C1orf21: variants seen among roughly 807,000 people sequenced by gnomAD.
The protein encoded by C1orf21 is chromosome 1 open reading frame 21.
In C1orf21, 3 loss-of-function variants were observed where a neutral mutation model predicts 18.7. The observed-to-expected ratio is 0.16, with a 90% CI of 0.07 to 0.42. The LOEUF (loss-of-function observed/expected upper bound fraction) is 0.42. C1orf21 is among the 10% of genes least tolerant of loss of function. C1orf21 has a pLI of 0.99. For synonymous variants in C1orf21, 41 were observed against 46.4 expected (o/e 0.88, Z 0.47); for missense variants, 104 against 143.6 (o/e 0.72, Z 1.41).
chr1:184,474,078 TC>T lies in C1orf21; in HGVS notation c.-124-3307del, dbSNP rs529030854. Among the ~76,000 whole-genome samples, 6 of 152,338 alleles carry T rather than the reference TC, an allele frequency of 3.9e-5. No individual in the cohort carries two copies. The East Asian group carries it at 1.2e-3, about 29-fold the overall frequency. On this transcript the variant is annotated intron_variant, in intron 1 of 5. Coordinates refer to ENST00000235307, the MANE Select transcript of C1orf21 (RefSeq NM_030806.4). ...TATGATTAACTTTGTGAATTAGAGA[TC>T]TTTTGCCCCTCAAATGACTTCATAA...
chr1:184,393,509 A>C (rs1204536074), intron 1 of C1orf21, among the ~76,000 whole-genome samples: 1 of 152,092 alleles, frequency 6.6e-6, no homozygotes, highest in Non-Finnish European at 1.5e-5. Context: ...GAATTAGAGC[A>C]CCCCCAAGTT....
chr1:184,511,988 C>T lies in C1orf21; in HGVS notation c.189+4306C>T, dbSNP rs1211371365. ...ATTTAAAATGAGACTTGGGTAGGCACACAGAGCCAGACTGTATCACTTGAG... is the reference window on the plus strand; with the variant it reads ...ATTTAAAATGAGACTTGGGTAGGCATACAGAGCCAGACTGTATCACTTGAG... On this transcript the variant is annotated intron_variant, in intron 3 of 5. Coordinates refer to ENST00000235307, the MANE Select transcript of C1orf21 (RefSeq NM_030806.4). Among the ~76,000 whole-genome samples, 16 of 152,138 alleles carry T rather than the reference C, an allele frequency of 1.1e-4. 1 individual carries two copies. The highest frequency in any genetic ancestry group is 5.9e-5 in the Non-Finnish European group (4 of 68,028).
intron 1 of C1orf21, among the ~76,000 whole-genome samples, chr1:184,409,376 G>A (rs1656298157): frequency 6.6e-6 from 1 of 152,152 alleles, no homozygotes; most frequent in African/African-American, 2.4e-5. Context: ...GGTTTGTGGG[G>A]TGAGGAATGT....
At chr1:184,437,121 A>G (rs1000113068) in intron 1 of C1orf21, among the ~76,000 whole-genome samples, 3 of 152,106 alleles carry the variant, frequency 2.0e-5, no homozygotes, top group African/African-American at 7.2e-5. Context: ...CTTTTTGTTC[A>G]GAAGATTGAG....
intron 3 of C1orf21, among the ~76,000 whole-genome samples, chr1:184,579,730 C>T (rs958194661): frequency 5.9e-5 from 9 of 151,852 alleles, no homozygotes; most frequent in African/African-American, 1.5e-4. Flanking sequence ...AGGCTGGTCT[C>T]GAACTCCTGA....
At chr1:184,469,514 G>A (rs895235214) in intron 1 of C1orf21, among the ~76,000 whole-genome samples, 7 of 152,162 alleles carry the variant, frequency 4.6e-5, no homozygotes, top group Non-Finnish European at 1.0e-4. Context: ...GTGTGCATGG[G>A]CCAAGGGATC....
chr1:184,392,986 C>G (rs894642698), intron 1 of C1orf21, among the ~76,000 whole-genome samples: 3 of 151,868 alleles, frequency 2.0e-5, no homozygotes, highest in African/African-American at 7.3e-5. Flanking sequence ...ACACCATACA[C>G]CTGGAGAGTT....
chr1:184,572,365 A>G (rs1461242263), intron 3 of C1orf21, among the ~76,000 whole-genome samples: 1 of 152,214 alleles, frequency 6.6e-6, no homozygotes, highest in African/African-American at 2.4e-5. Flanking sequence ...GAGCGAGAAC[A>G]TGCATATAGG....
At chr1:184,590,010 C>T (rs1290957186) in intron 3 of C1orf21, among the ~76,000 whole-genome samples, 2 of 152,124 alleles carry the variant, frequency 1.3e-5, no homozygotes, top group Non-Finnish European at 2.9e-5. Context: ...CCTTTCATTT[C>T]AGGGGTATGT....
chr1:184,469,163 T>C (rs545351654), intron 1 of C1orf21, among the ~76,000 whole-genome samples: 1 of 151,964 alleles, frequency 6.6e-6, no homozygotes, highest in Non-Finnish European at 1.5e-5. Context: ...GGCACGAGAA[T>C]TGCTTGAACC....
chr1:184,516,575 C>A (rs1658232037), intron 3 of C1orf21, among the ~76,000 whole-genome samples: 1 of 152,164 alleles, frequency 6.6e-6, no homozygotes, highest in Non-Finnish European at 1.5e-5. Context: ...ACAATCATGG[C>A]AGAAGGCAAG....
At chr1:184,451,171 C>A (rs1345364564) in intron 1 of C1orf21, among the ~76,000 whole-genome samples, 1 of 152,286 alleles carries the variant, frequency 6.6e-6, no homozygotes, top group African/African-American at 2.4e-5. Flanking sequence ...AACTGCCATG[C>A]CTGGGCTAAA....
chr1:184,445,343 CCT>C (rs57710614), intron 1 of C1orf21, among the ~76,000 whole-genome samples: 4,219 of 134,372 alleles, frequency 0.031, 168 homozygotes, highest in African/African-American at 0.099. Flanking sequence ...TTTTTTCAGA[CCT>C]CTCTCTCTCT....
At chr1:184,475,107 A>G (rs1442221351) in intron 1 of C1orf21, among the ~76,000 whole-genome samples, 2 of 152,120 alleles carry the variant, frequency 1.3e-5, no homozygotes, top group Non-Finnish European at 2.9e-5. Context: ...TTACAGCTGA[A>G]CCCCTTGTCC....
At chr1:184,412,084 T>C (rs183504592) in intron 1 of C1orf21, 3 of 152,338 alleles carry the variant, frequency 2.0e-5, no homozygotes, top group Non-Finnish European at 4.4e-5. Flanking sequence ...GTTTTATATT[T>C]CTATAATTTT....
intron 2 of C1orf21, among the ~76,000 whole-genome samples, chr1:184,483,064 G>A (rs1048050763): frequency 6.6e-6 from 1 of 152,180 alleles, no homozygotes; most frequent in African/African-American, 2.4e-5. Context: ...AAGTGTTGAA[G>A]CATAAAAAGT....
chr1:184,617,478 C>G (rs1369948789), intron 5 of C1orf21, among the ~76,000 whole-genome samples: 2 of 152,168 alleles, frequency 1.3e-5, no homozygotes, highest in Non-Finnish European at 2.9e-5. Flanking sequence ...AAATAAATCC[C>G]CAGTGGCCAG....
intron 4 of C1orf21, among the ~76,000 whole-genome samples, chr1:184,594,024 G>A (rs1277235442): frequency 3.3e-5 from 5 of 152,188 alleles, no homozygotes; most frequent in Admixed American, 6.5e-5. Flanking sequence ...GAACACACAC[G>A]CAGATGGGAA....
intron 1 of C1orf21, among the ~76,000 whole-genome samples, chr1:184,388,694 G>C (rs1330861775): frequency 6.6e-6 from 1 of 151,696 alleles, no homozygotes; most frequent in Admixed American, 6.6e-5. Flanking sequence ...TACACAGACA[G>C]ATGTAATGAA....
Sources: allele counts gnomAD v4.1 joint callset (sites outside exome capture counted in the v4.1 genomes callset), GRCh38; gene constraint gnomAD v4.1.1; transcripts MANE v1.5; gene names NCBI Gene and HGNC (gene_info 2026-07-23, HGNC 2026-07-21).